KLF8: variants seen among roughly 807,000 people sequenced by gnomAD.
KLF8 encodes the protein KLF transcription factor 8, also known as Krueppel-like factor 8.
A neutral mutation model predicts 18.2 loss-of-function variants in KLF8; 10 were observed. The ratio of observed to expected loss-of-function variants is 0.55; its 90% CI spans 0.34 to 0.93. KLF8 has a LOEUF of 0.93. Ranked by LOEUF, KLF8 falls within the 40% of genes least tolerant of loss-of-function variation. The pLI is 0.02. For missense variants in KLF8, 264 were observed against 277.9 expected, an observed-to-expected ratio of 0.95 and a Z score of 0.36; for synonymous variants, 109 against 97.3, an observed-to-expected ratio of 1.12 and a Z score of -0.71.
the KLF8 span, among the ~76,000 whole-genome samples, chrX:56,159,031 G>T: frequency 9.0e-6 from 1 of 111,708 alleles, no homozygotes; most frequent in Non-Finnish European, 1.9e-5. Flanking sequence ...GTTTGTCATA[G>T]ATAGCTCTTA....
the KLF8 span, among the ~76,000 whole-genome samples, chrX:56,030,625 T>C: frequency 9.1e-6 from 1 of 109,543 alleles, no homozygotes; most frequent in African/African-American, 3.3e-5. Context: ...TGTGTTCCAG[T>C]CTTGGGCTGT....
chrX:55,934,640 CT>C, the KLF8 span, among the ~76,000 whole-genome samples: 2 of 112,536 alleles, frequency 1.8e-5, no homozygotes, highest in African/African-American at 6.4e-5. Flanking sequence ...TGTCTAACTC[CT>C]CTATTTGAGA....
the KLF8 span, among the ~76,000 whole-genome samples, chrX:56,078,750 C>T: frequency 1.2e-3 from 137 of 111,329 alleles, no homozygotes; most frequent in Admixed American, 2.1e-3. Flanking sequence ...TGGTAGAATT[C>T]GGCTGTGAAT....
the KLF8 span, among the ~76,000 whole-genome samples, chrX:56,137,020 G>A: frequency 9.0e-6 from 1 of 111,535 alleles, no homozygotes; most frequent in Non-Finnish European, 1.9e-5. Context: ...ATCATCACTG[G>A]CCATCAGAGA....
the KLF8 span, among the ~76,000 whole-genome samples, chrX:56,143,180 G>A: frequency 2.7e-5 from 3 of 110,938 alleles, no homozygotes; most frequent in African/African-American, 9.8e-5. Context: ...ACTGTTCCTG[G>A]AATGTAACAG....
At chrX:56,104,286 T>A in the KLF8 span, among the ~76,000 whole-genome samples, 1 of 111,261 alleles carries the variant, frequency 9.0e-6, no homozygotes, top group Non-Finnish European at 1.9e-5. Flanking sequence ...TCAGAAGGAA[T>A]GGTGCCAGCT....
chrX:56,127,868 G>T, the KLF8 span, among the ~76,000 whole-genome samples: 1 of 109,859 alleles, frequency 9.1e-6, no homozygotes, highest in African/African-American at 3.3e-5. Context: ...CCTCCAGAAA[G>T]AAAAAAAACA....
chrX:56,138,567 C>T, the KLF8 span, among the ~76,000 whole-genome samples: 15 of 110,919 alleles, frequency 1.4e-4, no homozygotes, highest in Non-Finnish European at 2.3e-4. Flanking sequence ...AAACAAAAAC[C>T]ACATGATCAT....
At chrX:56,069,610 C>T in the KLF8 span, among the ~76,000 whole-genome samples, 1 of 111,463 alleles carries the variant, frequency 9.0e-6, no homozygotes, top group Non-Finnish European at 1.9e-5. Context: ...TCTACTTCTG[C>T]CTGAATTTGC....
chrX:56,263,683 GCATAA>G (rs1176818987), intron 2 of KLF8, among the ~76,000 whole-genome samples: 1 of 111,703 alleles, frequency 9.0e-6, no homozygotes, highest in Non-Finnish European at 1.9e-5. Context: ...AAAATCATAA[GCATAA>G]CATAATTATC....
chrX:56,147,700 C>T, the KLF8 span, among the ~76,000 whole-genome samples: 4 of 111,806 alleles, frequency 3.6e-5, no homozygotes, highest in African/African-American at 6.5e-5. Context: ...AATAGAATGC[C>T]GAGCATGGTG....
the KLF8 span, among the ~76,000 whole-genome samples, chrX:56,062,635 C>G: frequency 9.0e-6 from 1 of 111,417 alleles, no homozygotes; most frequent in African/African-American, 3.3e-5. Context: ...TTCATTTCAC[C>G]CTTGGTGAAT....
the KLF8 span, among the ~76,000 whole-genome samples, chrX:55,970,348 GAAA>G: frequency 9.1e-6 from 1 of 109,591 alleles, no homozygotes; most frequent in Admixed American, 9.7e-5. Context: ...AATTGATGCT[GAAA>G]AAAAAATTTG....
At chrX:56,133,962 G>A in the KLF8 span, among the ~76,000 whole-genome samples, 1 of 110,266 alleles carries the variant, frequency 9.1e-6, no homozygotes, top group East Asian at 2.8e-4. Flanking sequence ...TAACCAAGGA[G>A]GTGAAAGACC....
At chrX:56,171,226 G>A in the KLF8 span, among the ~76,000 whole-genome samples, 1 of 111,541 alleles carries the variant, frequency 9.0e-6, no homozygotes, top group South Asian at 3.7e-4. Context: ...TCAAGACATA[G>A]ACAGTACAAA....
At chrX:55,941,562 C>A in the KLF8 span, among the ~76,000 whole-genome samples, 5 of 111,919 alleles carry the variant, frequency 4.5e-5, no homozygotes, top group Non-Finnish European at 7.5e-5. Flanking sequence ...GCAAAAGAAA[C>A]CACCATCAGA....
the KLF8 span, among the ~76,000 whole-genome samples, chrX:55,976,658 T>G: frequency 2.7e-5 from 3 of 111,179 alleles, no homozygotes; most frequent in Non-Finnish European, 1.9e-5. Flanking sequence ...AGGATTTTGT[T>G]TTTGTGTTTC....
At chrX:56,180,935 T>C in the KLF8 span, among the ~76,000 whole-genome samples, 3 of 111,841 alleles carry the variant, frequency 2.7e-5, no homozygotes, top group African/African-American at 6.5e-5. Context: ...GAATATATAT[T>C]CTGTTGATTT....
chrX:56,016,940 AC>A, the KLF8 span, among the ~76,000 whole-genome samples: 1 of 111,909 alleles, frequency 8.9e-6, no homozygotes, highest in South Asian at 3.7e-4. Context: ...TATAAAGTAA[AC>A]TTTTTATAAT....
Sources: gnomAD v4.1 joint callset for allele counts (sites outside exome capture counted in the v4.1 genomes callset) on GRCh38, gnomAD v4.1.1 for gene constraint, MANE v1.5 for transcripts, NCBI Gene and HGNC (gene_info 2026-07-23, HGNC 2026-07-21) for gene names.